CAMSAP3: variants seen among roughly 807,000 people sequenced by gnomAD.
CAMSAP3 encodes calmodulin regulated spectrin associated protein family member 3.
CAMSAP3 carries 34 observed loss-of-function variants against 112.5 expected under a neutral mutation model. The observed-to-expected ratio is 0.30, with a 90% CI of 0.23 to 0.40. The LOEUF (loss-of-function observed/expected upper bound fraction) is 0.40, where lower values mean the gene tolerates loss of function less well. Among genes scored for constraint, CAMSAP3 ranks in the 10% least tolerant of loss-of-function variants. The probability of loss-of-function intolerance (pLI) is 1.00; values close to 1 mark genes in which losing one functional copy is unlikely to be tolerated. For synonymous variants in CAMSAP3, 868 were observed against 799.8 expected, an observed-to-expected ratio of 1.09 and a Z score of -1.44; for missense variants, 1,602 against 1,770.3, an observed-to-expected ratio of 0.90 and a Z score of 1.71.
In CAMSAP3 at chr19:7,610,812, G is replaced by C. The variant is rs755531467; in HGVS notation, c.994+19G>C. On this transcript the variant is annotated intron_variant, in intron 7 of 16. Coordinates refer to ENST00000160298, the MANE Select transcript of CAMSAP3 (RefSeq NM_020902.2). This position sits in a 1 kb window ranked among gnomAD's most constrained non-coding sequence, Gnocchi z 4.9. ...GGTCACGGTGAGGCCCTGGGGGCCT[G>C]GGGGCCGGGTCGGGGGCGGGTGGGA... is the stretch of plus-strand genomic sequence containing the variant. 6.2e-7 allele frequency: 1 copy of C among 1,611,638 alleles called. No individual in the cohort carries two copies. The highest frequency in any genetic ancestry group is 1.1e-5 in the South Asian group (1 of 91,044).
intron 1 of CAMSAP3, among the ~76,000 whole-genome samples, chr19:7,603,084 G>T (rs928558585): frequency 6.6e-6 from 1 of 152,190 alleles, no homozygotes; most frequent in South Asian, 2.1e-4. Flanking sequence ...GGTGGGAAAG[G>T]AGCCAGGACA....
rs950124709 is a variant in CAMSAP3, at chr19:7,615,605, C to G, written c.2998C>G (p.Pro1000Ala). The G allele has an allele frequency of 6.8e-7, 1 of 1,467,726 alleles. No individual in the cohort carries two copies. Among genetic ancestry groups the G allele is most frequent in the Non-Finnish European group, 9.0e-7 (1 of 1,110,250 alleles). The allele number at this position is 1,467,726 out of a possible 1,614,324, so 90.9% of individuals were successfully genotyped here. The change falls in exon 13 of 17, where the codon CCC (proline) becomes GCC (alanine). Residue 1000 changes from proline to alanine, a missense_variant. Physicochemically the swap from Pro to Ala is conservative, Grantham distance 27 (BLOSUM62 -1). Transcript: ENST00000160298. The surrounding 1 kb of genome is among the most constrained non-coding windows in gnomAD (Gnocchi z 6.5). ...GGACGACCTCGATAAGGTGCTGCGG[C>G]CCCGGGCTGCGGGGTCCGGGGGTCC... ...LMDDLDKVLR[P>A]RAAGSGGPGR...
chr19:7,613,736 C>T (rs1039905488), intron 11 of CAMSAP3, among the ~76,000 whole-genome samples: 2 of 151,928 alleles, frequency 1.3e-5, no homozygotes, highest in African/African-American at 2.4e-5. Flanking sequence ...GGATCTTCAG[C>T]GCACCTCCTT....
chr19:7,605,091 C>G (rs2146162119), intron 1 of CAMSAP3, 135 bp from the exon 2 acceptor site: 1 of 630,350 alleles, frequency 1.6e-6, no homozygotes, highest in East Asian at 3.0e-5. Flanking sequence ...GATCCCCTTT[C>G]TCCTTTCCCA....
chr19:7,603,041 C>T (rs1003177728), intron 1 of CAMSAP3, among the ~76,000 whole-genome samples: 6 of 151,846 alleles, frequency 4.0e-5, no homozygotes, highest in African/African-American at 1.5e-4. Flanking sequence ...GCGGGTGGCG[C>T]GTTAAGTGGG....
At position 7,616,519 on chromosome 19, in the gene CAMSAP3, C is replaced by T; in HGVS notation, c.3113-4C>T. The T allele has an allele frequency of 1.2e-6, 2 of 1,610,952 alleles. No individual in the cohort carries two copies. The highest frequency in any genetic ancestry group is 1.7e-6 in the Non-Finnish European group (2 of 1,177,478). On this transcript the variant is annotated splice_polypyrimidine_tract_variant and splice_region_variant and intron_variant, in intron 13 of 16. Coordinates refer to ENST00000160298, the MANE Select transcript of CAMSAP3 (RefSeq NM_020902.2). ...GGGCACTGACCTGCAATCTCTGTCC[C>T]CAGGCTCTCGGCTGAGCAAAATCTA...
chr19:7,601,217 G>A (rs1277846350), intron 1 of CAMSAP3, among the ~76,000 whole-genome samples: 2 of 152,126 alleles, frequency 1.3e-5, no homozygotes, highest in African/African-American at 4.8e-5. Flanking sequence ...ATATGTCTTG[G>A]GTCAATGAAA....
intron 5 of CAMSAP3, among the ~76,000 whole-genome samples, chr19:7,608,869 A>G (rs1486169514): frequency 2.0e-5 from 3 of 151,998 alleles, no homozygotes; most frequent in African/African-American, 4.8e-5. Flanking sequence ...CCTGACCTCA[A>G]GTGATCTGCC....
chr19:7,598,358 G>A (rs2024479144), intron 1 of CAMSAP3, among the ~76,000 whole-genome samples: 1 of 152,124 alleles, frequency 6.6e-6, no homozygotes, highest in Non-Finnish European at 1.5e-5. Flanking sequence ...GGGAGATAAG[G>A]GAGGCTGGTC....
rs576409985 is a variant in CAMSAP3 at position 7,603,218 on chromosome 19, CT to C, written c.149-1994del. 5.2e-3 allele frequency among the ~76,000 whole-genome samples: 731 copies of C among 141,074 alleles called. 5 individuals carry two copies. The highest frequency in any genetic ancestry group is 4.4e-3 in the Non-Finnish European group (285 of 64,456). 92.6% of individuals were successfully genotyped at this position (141,074 alleles called of 152,430 possible). On this transcript the variant is annotated intron_variant, in intron 1 of 16. Coordinates refer to ENST00000160298, the MANE Select transcript of CAMSAP3 (RefSeq NM_020902.2). ...TTCTTTTCTTTTTTTTTCTTTCTTT[CT>C]TTTTTTTTTTTTTAAGACAGAGGCT...
chr19:7,596,725 C>G (rs2024451527), intron 1 of CAMSAP3, among the ~76,000 whole-genome samples: 1 of 148,588 alleles, frequency 6.7e-6, no homozygotes, highest in Admixed American at 7.0e-5. Flanking sequence ...TCTGGGAACC[C>G]CCTTTCGCCT....
intron 1 of CAMSAP3, among the ~76,000 whole-genome samples, chr19:7,604,799 G>C (rs2030121989): frequency 6.6e-6 from 1 of 152,180 alleles, no homozygotes. Context: ...GGCCCTGGCT[G>C]CCTCCTAGCG....
intron 13 of CAMSAP3, 141 bp from the exon 14 acceptor site, chr19:7,616,381 TC>T: frequency 6.4e-6 from 4 of 626,352 alleles, no homozygotes; most frequent in South Asian, 5.2e-5. Flanking sequence ...CATAGAGGGG[TC>T]CCCCCATAGG....
At chr19:7,606,157 C>T in intron 2 of CAMSAP3, 114 bp from the exon 3 acceptor site, 1 of 501,168 alleles carries the variant, frequency 2.0e-6, no homozygotes, top group South Asian at 1.9e-5. Flanking sequence ...TCAAGCCCCA[C>T]CCCCCCCGTC....
At position 7,596,126 on chromosome 19, in the gene CAMSAP3, C is replaced by G. The variant is rs1327722886; in HGVS notation, c.124C>G (p.Leu42Val). ...AKAAASLAWV[L>V]RAAFGGAEHV... ...GGCGGCGGCCAGCCTGGCGTGGGTG[C>G]TGCGGGCCGCGTTCGGGGGCGCAGG... Residue 42 changes from leucine (L) to valine (V), a missense_variant, in exon 1 of 17, where the codon CTG (leucine) becomes GTG (valine). Coordinates refer to ENST00000160298, the MANE Select transcript of CAMSAP3 (RefSeq NM_020902.2). The G allele has an allele frequency of 2.6e-6, 3 of 1,141,356 alleles. No homozygotes were observed. The Admixed American group carries it at 9.5e-5, about 36-fold the overall frequency. The allele number at this position is 1,141,356 out of a possible 1,614,324, so 70.7% of individuals were successfully genotyped here.
intron 1 of CAMSAP3, among the ~76,000 whole-genome samples, chr19:7,597,498 C>T (rs1721442012): frequency 6.6e-6 from 1 of 152,196 alleles, no homozygotes; most frequent in Non-Finnish European, 1.5e-5. Flanking sequence ...TCTGTTTCCC[C>T]TTCTATAAAA....
At chr19:7,614,269 A>AAAAAAAAAAAAAAAC in intron 11 of CAMSAP3, among the ~76,000 whole-genome samples, 1 of 147,950 alleles carries the variant, frequency 6.8e-6, no homozygotes, top group Non-Finnish European at 1.5e-5. Context: ...CAAAAAAAAA[A>AAAAAAAAAAAAAAAC]AAAAAAAAAA....
intron 1 of CAMSAP3, among the ~76,000 whole-genome samples, chr19:7,599,068 G>C (rs1199609674): frequency 6.6e-6 from 1 of 151,746 alleles, no homozygotes; most frequent in Non-Finnish European, 1.5e-5. Context: ...CTACTCAGGA[G>C]GCTGAGGCAG....
At position 7,615,557 on chromosome 19, in the gene CAMSAP3, C is replaced by T. The variant is rs1378655270; in HGVS notation, c.2950C>T (p.Arg984Cys). Reference protein sequence around the residue: ...KGDFTRQEYERRAQLKLMDDL... With the variant: ...KGDFTRQEYECRAQLKLMDDL... ...GGACTTCACGCGGCAGGAGTACGAG[C>T]GCCGGGCCCAGCTGAAGCTGATGGA... Residue 984 changes from arginine (R) to cysteine (C), a missense_variant, in exon 13 of 17, where the codon CGC becomes TGC. Around this residue, in one of 6 missense-constraint regions of CAMSAP3, gnomAD observed 1,100 missense variants for 1,135.7 expected, o/e 0.97. Transcript: ENST00000160298. The surrounding 1 kb of genome is among the most constrained non-coding windows in gnomAD (Gnocchi z 6.5). The T allele has an allele frequency of 5.3e-6, 8 of 1,520,536 alleles. No individual in the cohort carries two copies. Among genetic ancestry groups the T allele is most frequent in the South Asian group, 1.2e-5 (1 of 81,600 alleles). 94.2% of individuals were successfully genotyped at this position (1,520,536 alleles called of 1,614,324 possible).
Sources: allele counts gnomAD v4.1 joint callset (sites outside exome capture counted in the v4.1 genomes callset), GRCh38; gene constraint gnomAD v4.1.1; regional missense constraint gnomAD v4.1.1; non-coding constraint Gnocchi (gnomAD v3.1); transcripts MANE v1.5; gene names NCBI Gene and HGNC (gene_info 2026-07-23, HGNC 2026-07-21).